Variants in FCHO2 observed in about 807,000 individuals in gnomAD.
FCHO2 encodes the protein F-BAR domain only protein 2.
FCHO2 carries 43 observed loss-of-function variants against 114.1 expected under a neutral mutation model. The observed-to-expected ratio is 0.38, with a 90% CI of 0.30 to 0.49. FCHO2 has a LOEUF of 0.49. FCHO2 is among the 20% of genes least tolerant of loss of function. The probability of loss-of-function intolerance (pLI) is 0.97; values close to 1 mark genes in which losing one functional copy is unlikely to be tolerated. For missense variants in FCHO2, 807 were observed against 950.4 expected (o/e 0.85, Z 1.98); for synonymous variants, 293 against 315.2 (o/e 0.93, Z 0.75).
At chr5:73,043,106 CT>C (rs372471234) in intron 11 of FCHO2, among the ~76,000 whole-genome samples, 20 of 147,146 alleles carry the variant, frequency 1.4e-4, no homozygotes, top group Middle Eastern at 3.5e-3. Flanking sequence ...TTTCTTAAAC[CT>C]TTTTTTTTTG....
chr5:73,088,043 C>T, intron 25 of FCHO2, 25 bp from the exon 26 acceptor site: 1 of 1,612,892 alleles, frequency 6.2e-7, no homozygotes, highest in Non-Finnish European at 8.5e-7. Context: ...ATTGTAATTG[C>T]AAAGGTCTGC....
intron 2 of FCHO2, among the ~76,000 whole-genome samples, chr5:72,973,082 T>A (rs908928869): frequency 2.0e-5 from 3 of 152,186 alleles, no homozygotes; most frequent in African/African-American, 7.2e-5. Flanking sequence ...AGCTTTTTGA[T>A]GTGTTGCTGG....
chr5:73,049,069 G>C (rs1757221471), intron 11 of FCHO2, among the ~76,000 whole-genome samples: 1 of 151,118 alleles, frequency 6.6e-6, no homozygotes, highest in African/African-American at 2.4e-5. Context: ...GTAGAGACGG[G>C]GTTTCACCGT....
intron 15 of FCHO2, chr5:73,055,174 C>A: frequency 7.9e-6 from 2 of 252,020 alleles, no homozygotes; most frequent in Non-Finnish European, 1.7e-5. Context: ...AGGATTTTAT[C>A]TTTAAAGAAA....
At chr5:73,068,628 TA>T (rs1742480131) in intron 18 of FCHO2, 21 bp from the exon 19 acceptor site, 2 of 1,606,244 alleles carry the variant, frequency 1.2e-6, no homozygotes, top group South Asian at 2.2e-5. Flanking sequence ...AGCATTTTGA[TA>T]AATAACTTTT....
At chr5:73,036,987 AT>A (rs987353217) in intron 9 of FCHO2, among the ~76,000 whole-genome samples, 155 bp from the exon 10 acceptor site, 2 of 152,160 alleles carry the variant, frequency 1.3e-5, no homozygotes, top group Admixed American at 6.5e-5. Flanking sequence ...AGTCTAACCA[AT>A]AGGGTTGAGT....
intron 17 of FCHO2, among the ~76,000 whole-genome samples, chr5:73,059,932 A>C (rs1362273494): frequency 6.6e-6 from 1 of 152,022 alleles, no homozygotes; most frequent in East Asian, 1.9e-4. Flanking sequence ...AGTTCTCAGC[A>C]GTATTTTCGA....
intron 6 of FCHO2, among the ~76,000 whole-genome samples, chr5:73,009,273 C>A (rs368975669): frequency 3.4e-4 from 52 of 152,286 alleles, no homozygotes; most frequent in Middle Eastern, 3.4e-3. Context: ...TAGGAGCACA[C>A]ATTTATAAGG....
chr5:72,960,815 C>T (rs1751816061), intron 1 of FCHO2, among the ~76,000 whole-genome samples: 1 of 152,102 alleles, frequency 6.6e-6, no homozygotes, highest in African/African-American at 2.4e-5. Context: ...TTATAATCTT[C>T]ATTTTACAGA....
chr5:73,021,162 C>G (rs1222574469), intron 8 of FCHO2: 6 of 776,560 alleles, frequency 7.7e-6, no homozygotes, highest in Non-Finnish European at 1.2e-5. Flanking sequence ...TGCCATCTCT[C>G]CTTTGTCCAG....
chr5:72,966,083 A>G (rs1278677912), intron 1 of FCHO2, among the ~76,000 whole-genome samples: 3 of 152,238 alleles, frequency 2.0e-5, no homozygotes, highest in Non-Finnish European at 4.4e-5. Context: ...GGACTCACCA[A>G]AAGTGAATGC....
At chr5:73,083,380 T>C (rs1743187654) in intron 24 of FCHO2, among the ~76,000 whole-genome samples, 1 of 152,194 alleles carries the variant, frequency 6.6e-6, no homozygotes, top group South Asian at 2.1e-4. Flanking sequence ...AAGAAAAAAT[T>C]TATTTTGCCA....
chr5:73,017,379 G>A, intron 8 of FCHO2, 71 bp downstream of exon 8: 1 of 908,798 alleles, frequency 1.1e-6, no homozygotes, highest in Non-Finnish European at 1.6e-6. Context: ...TTGCCTTGAA[G>A]ATCATGTGGG....
intron 10 of FCHO2, among the ~76,000 whole-genome samples, chr5:73,040,052 A>G (rs1212975393): frequency 1.3e-5 from 2 of 151,660 alleles, no homozygotes; most frequent in African/African-American, 4.8e-5. Flanking sequence ...CCTCCTTTTT[A>G]ATTTTTTCAG....
At chr5:72,978,242 A>G (rs923337900) in intron 2 of FCHO2, among the ~76,000 whole-genome samples, 8 of 152,222 alleles carry the variant, frequency 5.3e-5, no homozygotes, top group African/African-American at 1.9e-4. Flanking sequence ...ATGCATGAGC[A>G]TGGAATGTTT....
intron 10 of FCHO2, among the ~76,000 whole-genome samples, chr5:73,040,042 C>T (rs1756732370): frequency 6.6e-6 from 1 of 151,630 alleles, no homozygotes; most frequent in South Asian, 2.1e-4. Context: ...TAGTCATCTT[C>T]CTCCTTTTTA....
chr5:72,989,822 T>C (rs1753729070), intron 3 of FCHO2, among the ~76,000 whole-genome samples: 1 of 152,154 alleles, frequency 6.6e-6, no homozygotes, highest in African/African-American at 2.4e-5. Context: ...ATTTAAATTC[T>C]GTTGTAGTTT....
At chr5:73,050,719 C>A (rs559667130) in intron 11 of FCHO2, among the ~76,000 whole-genome samples, 1 of 152,222 alleles carries the variant, frequency 6.6e-6, no homozygotes, top group African/African-American at 2.4e-5. Context: ...TGTTTTACTT[C>A]TTTATATTAT....
intron 5 of FCHO2, among the ~76,000 whole-genome samples, chr5:73,006,147 G>A (rs1411859400): frequency 6.6e-6 from 1 of 152,126 alleles, no homozygotes; most frequent in East Asian, 1.9e-4. Flanking sequence ...TAACACTGTA[G>A]CATTATAATG....
Sources: gnomAD v4.1 joint callset for allele counts (sites outside exome capture counted in the v4.1 genomes callset) on GRCh38, gnomAD v4.1.1 for gene constraint, MANE v1.5 for transcripts, NCBI Gene and HGNC (gene_info 2026-07-23, HGNC 2026-07-21) for gene names.